The following THRB variants were observed in gnomAD, a reference collection of about 807,000 sequenced individuals.
THRB encodes the protein thyroid hormone receptor beta.
A neutral mutation model predicts 47.8 loss-of-function variants in THRB; 12 were observed. The observed-to-expected ratio is 0.25, with a 90% CI of 0.16 to 0.41. The LOEUF is 0.41. Among genes scored for constraint, THRB ranks in the 10% least tolerant of loss-of-function variants. The probability of loss-of-function intolerance (pLI) is 1.00; values close to 1 mark genes in which losing one functional copy is unlikely to be tolerated. For missense variants in THRB, 348 were observed against 589.2 expected (o/e 0.59, Z 4.24); for synonymous variants, 218 against 212.2 (o/e 1.03, Z -0.24).
At chr3:24,353,050 A>G (rs1000711283) in intron 1 of THRB, among the ~76,000 whole-genome samples, 1 of 152,100 alleles carries the variant, frequency 6.6e-6, no homozygotes, top group Non-Finnish European at 1.5e-5. Context: ...GTTAAATTGC[A>G]ATTCAACAAG....
intron 3 of THRB, among the ~76,000 whole-genome samples, chr3:24,261,514 AAAAAC>A (rs566113282): frequency 0.018 from 2,725 of 150,646 alleles, 83 homozygotes; most frequent in African/African-American, 0.053. Context: ...AAAAAAAAAA[AAAAAC>A]CAAAAAAAAC....
chr3:24,412,725 A>G lies in THRB; in HGVS notation c.-260-75354T>C, dbSNP rs1411455639. 2.0e-5 allele frequency among the ~76,000 whole-genome samples: 3 copies of G among 152,004 alleles called. No individual in the cohort carries two copies. In the East Asian group the frequency reaches 5.9e-4, roughly 30 times the overall value. Reference sequence around the variant, plus strand: ...TTATCAAATTATCACAAATTATCAAATTCAAGAGCAAACCACCAACTCAGA... The same window carrying G: ...TTATCAAATTATCACAAATTATCAAGTTCAAGAGCAAACCACCAACTCAGA... On this transcript the variant is annotated intron_variant, in intron 1 of 10. Transcript: ENST00000646209.
At chr3:24,380,619 T>C (rs1464186379) in intron 1 of THRB, among the ~76,000 whole-genome samples, 2 of 152,146 alleles carry the variant, frequency 1.3e-5, no homozygotes, top group Non-Finnish European at 2.9e-5. Flanking sequence ...ATTCTTTACT[T>C]TTGTCTCTGT....
chr3:24,297,450 T>G (rs2056541133), intron 2 of THRB, 79 bp from the exon 3 acceptor site: 1 of 152,268 alleles, frequency 6.6e-6, no homozygotes, highest in Admixed American at 6.5e-5. Flanking sequence ...GCAGTTCTCC[T>G]GTCCTTGCCC....
chr3:24,412,042 G>C (rs1380170991), intron 1 of THRB, among the ~76,000 whole-genome samples: 1 of 151,696 alleles, frequency 6.6e-6, no homozygotes, highest in African/African-American at 2.4e-5. Context: ...GTGCAGGAGA[G>C]GGAAAGATAT....
intron 4 of THRB, among the ~76,000 whole-genome samples, chr3:24,193,814 T>G (rs974745126): frequency 6.6e-6 from 1 of 150,948 alleles, no homozygotes; most frequent in African/African-American, 2.5e-5. Context: ...AAAAGACATT[T>G]GCACACACAT....
chr3:24,370,131 T>A (rs370677801), intron 1 of THRB, among the ~76,000 whole-genome samples: 1 of 152,150 alleles, frequency 6.6e-6, no homozygotes, highest in Non-Finnish European at 1.5e-5. Flanking sequence ...GGGGATATTT[T>A]ACGACTGAGA....
intron 1 of THRB, among the ~76,000 whole-genome samples, chr3:24,456,281 G>A (rs2073167108): frequency 6.6e-6 from 1 of 151,666 alleles, no homozygotes; most frequent in Non-Finnish European, 1.5e-5. Flanking sequence ...GCTGCAGTGA[G>A]CCATGATAGC....
chr3:24,264,986 T>C (rs975332722), intron 3 of THRB, among the ~76,000 whole-genome samples: 4 of 151,996 alleles, frequency 2.6e-5, no homozygotes, highest in Admixed American at 6.6e-5. Context: ...ACGCATACTA[T>C]GAAGAAAATA....
At chr3:24,425,925 C>T (rs925897750) in intron 1 of THRB, among the ~76,000 whole-genome samples, 1 of 151,964 alleles carries the variant, frequency 6.6e-6, no homozygotes, top group East Asian at 1.9e-4. Context: ...GAGTTAAGCA[C>T]ACAGATTTCA....
chr3:24,289,953 C>T (rs2055751627), intron 3 of THRB, among the ~76,000 whole-genome samples: 1 of 152,152 alleles, frequency 6.6e-6, no homozygotes, highest in Admixed American at 6.5e-5. Flanking sequence ...TCATGAAAAA[C>T]CTCCTTACTT....
At chr3:24,138,720 C>G (rs1004945557) in intron 8 of THRB, among the ~76,000 whole-genome samples, 12 of 152,204 alleles carry the variant, frequency 7.9e-5, no homozygotes, top group Non-Finnish European at 1.5e-4. Flanking sequence ...GCTATGCACA[C>G]AGACCAAATA....
chr3:24,229,884 T>C (rs956195733), intron 3 of THRB, among the ~76,000 whole-genome samples: 2 of 152,210 alleles, frequency 1.3e-5, no homozygotes, highest in African/African-American at 4.8e-5. Flanking sequence ...GGTCCAACGT[T>C]GTAATATACT....
intron 5 of THRB, among the ~76,000 whole-genome samples, chr3:24,167,444 C>A (rs541732746): frequency 6.6e-6 from 1 of 152,098 alleles, no homozygotes; most frequent in African/African-American, 2.4e-5. Flanking sequence ...CACAATATTA[C>A]AATTAACATT....
rs1372201917 is a variant in THRB, at chr3:24,245,942, C to CA, written c.-42-16942dup. On this transcript the variant is annotated intron_variant, in intron 3 of 10. Coordinates refer to ENST00000646209, the MANE Select transcript of THRB (RefSeq NM_001354712.2). ...CAATACAAAGCAAAACAAAACAAAA[C>CA]AAACAGAGGGTCTTTCATAATGTGG... 2.0e-5 allele frequency among the ~76,000 whole-genome samples: 3 copies of CA among 152,038 alleles called. No individual in the cohort carries two copies. In the East Asian group the frequency reaches 5.8e-4, roughly 29 times the overall value.
chr3:24,489,430 G>A (rs891754050), intron 1 of THRB, among the ~76,000 whole-genome samples: 1 of 152,132 alleles, frequency 6.6e-6, no homozygotes. Context: ...CTGAGCAAGG[G>A]AGATGAGCCC....
chr3:24,142,684 C>T lies in THRB; in HGVS notation c.738+817G>A, dbSNP rs369610108. On this transcript the variant is annotated intron_variant, in intron 8 of 10. Transcript: ENST00000646209. The stretch of plus-strand genomic sequence containing the variant: ...GAGATGGTCCAGCACTAGTAGGGCA[C>T]GTAGTCTTTCTAATGAGGTGGGTGG... 3.0e-4 allele frequency among the ~76,000 whole-genome samples: 45 copies of T among 152,302 alleles called. No homozygotes were observed. The East Asian group carries it at 4.1e-3, about 14-fold the overall frequency.
chr3:24,397,068 A>G (rs776721878), intron 1 of THRB, among the ~76,000 whole-genome samples: 1 of 152,162 alleles, frequency 6.6e-6, no homozygotes. Flanking sequence ...CCAGGGAAAC[A>G]ATTAGAACTC....
intron 4 of THRB, among the ~76,000 whole-genome samples, chr3:24,210,760 G>C (rs190141046): frequency 3.5e-4 from 53 of 152,274 alleles, no homozygotes; most frequent in African/African-American, 1.2e-3. Flanking sequence ...CTGGTTGACA[G>C]TAAGTAAGGT....
Sources: allele counts gnomAD v4.1 joint callset (sites outside exome capture counted in the v4.1 genomes callset), GRCh38; gene constraint gnomAD v4.1.1; transcripts MANE v1.5; gene names NCBI Gene and HGNC (gene_info 2026-07-23, HGNC 2026-07-21).